The following NME7 variants were observed in gnomAD, a reference collection of about 807,000 sequenced individuals.
NME7 encodes nucleoside diphosphate kinase 7.
NME7 carries 41 observed loss-of-function variants against 49.1 expected under a neutral mutation model. The ratio of observed to expected loss-of-function variants is 0.83; its 90% CI spans 0.65 to 1.08. The LOEUF is 1.08. Among genes scored for constraint, NME7 ranks in the 50% least tolerant of loss-of-function variants. NME7 has a pLI of 0.00. For synonymous variants in NME7, 139 were observed against 150.6 expected (o/e 0.92, Z 0.56); for missense variants, 423 against 463.4 (o/e 0.91, Z 0.80).
At chr1:169,234,274 C>T (rs548774159) in intron 9 of NME7, among the ~76,000 whole-genome samples, 221 of 152,188 alleles carry the variant, frequency 1.5e-3, no homozygotes, top group African/African-American at 5.1e-3. Flanking sequence ...CTATCTTCTC[C>T]AGAGCATAAG....
intron 10 of NME7, among the ~76,000 whole-genome samples, chr1:169,193,900 TA>T (rs10550759): frequency 0.015 from 2,197 of 150,124 alleles, 48 homozygotes; most frequent in African/African-American, 0.049. Context: ...TATCACTTGT[TA>T]AAAAAAAAGA....
intron 10 of NME7, among the ~76,000 whole-genome samples, chr1:169,228,923 TTAAG>T: frequency 6.6e-6 from 1 of 152,294 alleles, no homozygotes; most frequent in Non-Finnish European, 1.5e-5. Context: ...CATGTGTTAT[TTAAG>T]TATCTATTCT....
Position 169,269,553 on chromosome 1 carries a change from C to T in NME7, c.754+17750G>A, listed in dbSNP as rs932956429. On this transcript the variant is annotated intron_variant, in intron 7 of 11. Coordinates refer to ENST00000367811, the MANE Select transcript of NME7 (RefSeq NM_013330.5). The stretch of plus-strand genomic sequence containing the variant: ...AAGCTGAGCACTTAACTGATTCAAT[C>T]GGCCCAAATTTAGGAGGTTGCATGC... Among the ~76,000 whole-genome samples the T allele has an allele frequency of 2.2e-4, 30 of 133,532 alleles. 3 individuals are homozygous for T. Among genetic ancestry groups the T allele is most frequent in the African/African-American group, 7.3e-4 (29 of 39,470 alleles). 87.6% of individuals were successfully genotyped at this position (133,532 alleles called of 152,430 possible).
chr1:169,293,633 C>T (rs990176103), intron 6 of NME7, among the ~76,000 whole-genome samples: 7 of 152,250 alleles, frequency 4.6e-5, no homozygotes, highest in African/African-American at 1.7e-4. Context: ...CTCACCTTAT[C>T]ATCACCACAT....
intron 1 of NME7, among the ~76,000 whole-genome samples, chr1:169,344,236 T>C (rs879741380): frequency 2.0e-5 from 3 of 152,208 alleles, no homozygotes; most frequent in Non-Finnish European, 4.4e-5. Flanking sequence ...TGAAATCAAT[T>C]GGTCTTGTAT....
rs1406129666 is a variant in NME7 at position 169,255,013 on chromosome 1, T to G, written c.755-17326A>C. Among the ~76,000 whole-genome samples the G allele has an allele frequency of 2.2e-4, 29 of 134,230 alleles. 6 individuals carry two copies. The highest frequency in any genetic ancestry group is 2.5e-4 in the African/African-American group (10 of 39,292). The allele number at this position is 134,230 out of a possible 152,430, so 88.1% of individuals were successfully genotyped here. Reference sequence around the variant, plus strand: ...GCGGTCAATTTTGGAATAGGTGTGGTGTGGTGCTGAAAAAAATGTATATTC... The same window carrying G: ...GCGGTCAATTTTGGAATAGGTGTGGGGTGGTGCTGAAAAAAATGTATATTC... On this transcript the variant is annotated intron_variant, in intron 7 of 11. Coordinates refer to ENST00000367811, the MANE Select transcript of NME7 (RefSeq NM_013330.5).
At chr1:169,320,488 A>G (rs1453072909) in intron 3 of NME7, among the ~76,000 whole-genome samples, 1 of 152,182 alleles carries the variant, frequency 6.6e-6, no homozygotes, top group Non-Finnish European at 1.5e-5. Flanking sequence ...TGGTTCAAAA[A>G]TTTTTCTCAA....
intron 1 of NME7, among the ~76,000 whole-genome samples, chr1:169,326,648 G>C (rs1376791128): frequency 6.6e-6 from 1 of 152,220 alleles, no homozygotes; most frequent in African/African-American, 2.4e-5. Context: ...TGTGGGAAAA[G>C]GTTTATTACT....
At chr1:169,236,585 T>G (rs1647866163) in intron 8 of NME7, among the ~76,000 whole-genome samples, 1 of 152,174 alleles carries the variant, frequency 6.6e-6, no homozygotes, top group Admixed American at 6.6e-5. Context: ...CCTACAATCT[T>G]GTTAATATAT....
At position 169,266,938 on chromosome 1, in the gene NME7, C is replaced by T. The variant is rs1270163092; in HGVS notation, c.754+20365G>A. Among the ~76,000 whole-genome samples, 9 of 131,798 alleles carry T rather than the reference C, an allele frequency of 6.8e-5. 2 individuals carry two copies. Among genetic ancestry groups the T allele is most frequent in the Non-Finnish European group, 1.6e-4 (9 of 56,310 alleles). The allele number at this position is 131,798 out of a possible 152,430, so 86.5% of individuals were successfully genotyped here. ...TAAAAATTAGCTGAGCATGGTGGTG[C>T]GTGCCTGTAATCCCAGCTACTTGGG... On this transcript the variant is annotated intron_variant, in intron 7 of 11. Transcript: ENST00000367811.
intron 8 of NME7, among the ~76,000 whole-genome samples, chr1:169,235,986 T>C (rs994537211): frequency 6.6e-6 from 1 of 152,060 alleles, no homozygotes; most frequent in Non-Finnish European, 1.5e-5. Context: ...TTATTTTCCC[T>C]CCATTTTGCT....
chr1:169,342,887 C>CAAGTACATATATATAGTATATATAT (rs1652807328), intron 1 of NME7, among the ~76,000 whole-genome samples: 1 of 22,132 alleles, frequency 4.5e-5, no homozygotes, highest in Non-Finnish European at 1.1e-4. Context: ...AGTATATATA[C>CAAGTACATATATATAGTATATATAT]ATATATACAA....
At chr1:169,138,782 C>T (rs1323034884) in intron 11 of NME7, among the ~76,000 whole-genome samples, 1 of 152,144 alleles carries the variant, frequency 6.6e-6, no homozygotes, top group Non-Finnish European at 1.5e-5. Context: ...CTCTTGATTC[C>T]TCTGACTGCC....
At chr1:169,331,417 C>T (rs112263575) in intron 1 of NME7, among the ~76,000 whole-genome samples, 1,860 of 152,100 alleles carry the variant, frequency 0.012, 48 homozygotes, top group African/African-American at 0.042. Context: ...TGAAACATGA[C>T]GAGGGTGCCC....
intron 11 of NME7, among the ~76,000 whole-genome samples, chr1:169,166,714 A>G (rs1050193319): frequency 1.3e-5 from 2 of 152,210 alleles, no homozygotes; most frequent in African/African-American, 4.8e-5. Context: ...GTGGTGGCTC[A>G]TGCCTGTAAT....
intron 11 of NME7, among the ~76,000 whole-genome samples, chr1:169,166,207 A>C (rs2101839697): frequency 6.6e-6 from 1 of 152,298 alleles, no homozygotes; most frequent in Admixed American, 6.5e-5. Context: ...GTCTCTATTC[A>C]AACCTAGTTG....
intron 8 of NME7, among the ~76,000 whole-genome samples, chr1:169,237,404 G>C (rs1470437489): frequency 6.6e-6 from 1 of 151,944 alleles, no homozygotes; most frequent in East Asian, 1.9e-4. Flanking sequence ...CTTAAATTAG[G>C]TGTATCATTG....
At chr1:169,232,852 T>C (rs973802071) in intron 9 of NME7, among the ~76,000 whole-genome samples, 6 of 151,542 alleles carry the variant, frequency 4.0e-5, no homozygotes, top group Admixed American at 3.3e-4. Context: ...AAACATAAAA[T>C]GCATTTTTAT....
At chr1:169,350,199 G>A in intron 1 of NME7, among the ~76,000 whole-genome samples, 1 of 134,932 alleles carries the variant, frequency 7.4e-6, no homozygotes, top group Non-Finnish European at 1.6e-5. Flanking sequence ...AGGAAAGGAA[G>A]GAAAGAAAGG....
Sources: gnomAD v4.1 joint callset for allele counts (sites outside exome capture counted in the v4.1 genomes callset) on GRCh38, gnomAD v4.1.1 for gene constraint, MANE v1.5 for transcripts, NCBI Gene and HGNC (gene_info 2026-07-23, HGNC 2026-07-21) for gene names.